RANBP2: variants seen among roughly 807,000 people sequenced by gnomAD.
RANBP2 encodes the protein E3 SUMO-protein ligase RanBP2.
Under a neutral mutation model 303.6 loss-of-function variants are expected in RANBP2, and 57 were observed. That is an observed-to-expected ratio of 0.19 (90% CI 0.15 to 0.23). The LOEUF is 0.23. Among genes scored for constraint, RANBP2 ranks in the 10% least tolerant of loss-of-function variants. RANBP2 has a pLI of 1.00. For missense variants in RANBP2, 3,138 were observed against 3,780.8 expected (o/e 0.83, Z 4.46); for synonymous variants, 1,167 against 1,301.5 (o/e 0.90, Z 2.23).
the RANBP2 span, among the ~76,000 whole-genome samples, chr2:109,131,042 A>G: frequency 6.6e-6 from 1 of 152,186 alleles, no homozygotes; most frequent in African/African-American, 2.4e-5. Context: ...TGGAATAATC[A>G]TTTGCTTTAG....
chr2:109,206,174 A>ATTTTT, the RANBP2 span, among the ~76,000 whole-genome samples: 4 of 152,184 alleles, frequency 2.6e-5, no homozygotes, highest in Non-Finnish European at 4.4e-5. Flanking sequence ...ACACAGCACT[A>ATTTTT]TATTTTTAAC....
the RANBP2 span, among the ~76,000 whole-genome samples, chr2:109,062,993 G>A: frequency 3.3e-5 from 5 of 152,150 alleles, no homozygotes; most frequent in East Asian, 5.8e-4. Flanking sequence ...CAGGGCCTAC[G>A]GCCTCAGGAC....
chr2:109,615,210 G>A, the RANBP2 span: 1 of 1,546,642 alleles, frequency 6.5e-7, no homozygotes, highest in Non-Finnish European at 8.7e-7. Flanking sequence ...AGGCGGGGGC[G>A]ACTCAGACAG....
chr2:109,243,817 T>C, the RANBP2 span, among the ~76,000 whole-genome samples: 1 of 152,314 alleles, frequency 6.6e-6, no homozygotes, highest in African/African-American at 2.4e-5. Context: ...TGGGAAGCCA[T>C]TGAAAGGCTG....
the RANBP2 span, among the ~76,000 whole-genome samples, chr2:108,915,873 G>A: frequency 6.6e-6 from 1 of 151,758 alleles, no homozygotes; most frequent in Non-Finnish European, 1.5e-5. Context: ...CTCCATGCTG[G>A]GCAACAAGAG....
chr2:108,848,087 A>C, the RANBP2 span, among the ~76,000 whole-genome samples: 1 of 152,246 alleles, frequency 6.6e-6, no homozygotes, highest in Admixed American at 6.5e-5. Flanking sequence ...GCATAGATTC[A>C]CTAAAGATCA....
chr2:109,270,850 G>A, the RANBP2 span, among the ~76,000 whole-genome samples: 1 of 152,250 alleles, frequency 6.6e-6, no homozygotes, highest in Admixed American at 6.5e-5. Context: ...TTGGTAGGAT[G>A]GAGTGGCCAG....
the RANBP2 span, among the ~76,000 whole-genome samples, chr2:108,999,068 C>CTA: frequency 1.3e-5 from 2 of 152,204 alleles, no homozygotes; most frequent in Non-Finnish European, 2.9e-5. Context: ...GTCGAGCTGA[C>CTA]TATAGAGTTT....
At chr2:109,486,538 G>A in the RANBP2 span, among the ~76,000 whole-genome samples, 2 of 152,232 alleles carry the variant, frequency 1.3e-5, no homozygotes, top group Non-Finnish European at 2.9e-5. Flanking sequence ...ATAATCACCA[G>A]ATATTGATGA....
At chr2:108,890,621 C>T in the RANBP2 span, among the ~76,000 whole-genome samples, 1 of 152,156 alleles carries the variant, frequency 6.6e-6, no homozygotes, top group Non-Finnish European at 1.5e-5. Context: ...TGACTTCAGA[C>T]AGCTGGACTA....
chr2:109,513,952 G>A, the RANBP2 span, among the ~76,000 whole-genome samples: 2 of 152,148 alleles, frequency 1.3e-5, no homozygotes, highest in African/African-American at 2.4e-5. Flanking sequence ...CAGCCGGGTG[G>A]AGCCCAGGCA....
chr2:109,002,488 C>T, the RANBP2 span, among the ~76,000 whole-genome samples: 1 of 152,184 alleles, frequency 6.6e-6, no homozygotes, highest in Non-Finnish European at 1.5e-5. Flanking sequence ...TATCAGGTCA[C>T]CTCCACATTT....
At chr2:108,937,678 G>C in the RANBP2 span, among the ~76,000 whole-genome samples, 1 of 147,370 alleles carries the variant, frequency 6.8e-6, no homozygotes, top group South Asian at 2.2e-4. Flanking sequence ...GTGAGTATAA[G>C]TGTATGTGAT....
At chr2:108,737,008 G>A (rs1468787329) in intron 6 of RANBP2, among the ~76,000 whole-genome samples, 1 of 137,486 alleles carries the variant, frequency 7.3e-6, no homozygotes, top group Non-Finnish European at 1.6e-5. Context: ...CCTCCTTTTT[G>A]TAGAAAAAGT....
chr2:109,590,634 G>C, the RANBP2 span, among the ~76,000 whole-genome samples: 1 of 151,982 alleles, frequency 6.6e-6, no homozygotes, highest in Admixed American at 6.6e-5. Flanking sequence ...GTTTCACGTC[G>C]GTCAGGCTGG....
At chr2:109,190,588 A>G in the RANBP2 span, among the ~76,000 whole-genome samples, 1 of 152,234 alleles carries the variant, frequency 6.6e-6, no homozygotes, top group South Asian at 2.1e-4. Flanking sequence ...GAAGATGGGT[A>G]AATTACCACA....
At chr2:109,269,686 C>T in the RANBP2 span, among the ~76,000 whole-genome samples, 5 of 152,204 alleles carry the variant, frequency 3.3e-5, no homozygotes, top group Admixed American at 1.3e-4. Flanking sequence ...GGCTGAGGCA[C>T]GAGATTTGTT....
At chr2:109,013,226 C>A in the RANBP2 span, among the ~76,000 whole-genome samples, 1 of 152,218 alleles carries the variant, frequency 6.6e-6, no homozygotes, top group Admixed American at 6.5e-5. Flanking sequence ...AGGACATCCG[C>A]TTCCTTCGGC....
the RANBP2 span, chr2:109,732,861 A>G: frequency 7.8e-7 from 1 of 1,290,224 alleles, no homozygotes; most frequent in South Asian, 1.2e-5. Context: ...GAATTTGAAG[A>G]TCCCCGAGAT....
Sources: allele counts gnomAD v4.1 joint callset (sites outside exome capture counted in the v4.1 genomes callset), GRCh38; gene constraint gnomAD v4.1.1; transcripts MANE v1.5; gene names NCBI Gene and HGNC (gene_info 2026-07-23, HGNC 2026-07-21).